Variants in LRMDA observed in about 807,000 individuals in gnomAD.
LRMDA encodes leucine rich melanocyte differentiation associated.
A neutral mutation model predicts 29.8 loss-of-function variants in LRMDA; 18 were observed. The ratio of observed to expected loss-of-function variants is 0.60; its 90% CI spans 0.42 to 0.90. The LOEUF is 0.90. LRMDA is among the 40% of genes least tolerant of loss of function. The pLI, the probability that LRMDA is intolerant of heterozygous loss-of-function variation, is 0.00. For synonymous variants in LRMDA, 125 were observed against 109.4 expected (o/e 1.14, Z -0.89); for missense variants, 273 against 273.9 (o/e 1.00, Z 0.02).
intron 6 of LRMDA, among the ~76,000 whole-genome samples, chr10:76,510,620 G>C (rs1391686287): frequency 2.6e-5 from 4 of 152,032 alleles, no homozygotes; most frequent in Non-Finnish European, 5.9e-5. Flanking sequence ...ATTTATCTGG[G>C]GATCACTTCT....
At chr10:75,434,788 C>G (rs1245143615) in intron 1 of LRMDA, among the ~76,000 whole-genome samples, 3 of 152,224 alleles carry the variant, frequency 2.0e-5, no homozygotes, top group Non-Finnish European at 4.4e-5. Flanking sequence ...TCTCCCACCC[C>G]TGGCTAGGGG....
intron 2 of LRMDA, among the ~76,000 whole-genome samples, chr10:75,963,784 C>A (rs542102452): frequency 6.6e-6 from 1 of 152,198 alleles, no homozygotes; most frequent in Non-Finnish European, 1.5e-5. Context: ...CAAAGTGGTG[C>A]ACTGATGCCA....
At chr10:76,444,397 G>A (rs1393449707) in intron 6 of LRMDA, among the ~76,000 whole-genome samples, 1 of 152,164 alleles carries the variant, frequency 6.6e-6, no homozygotes, top group Non-Finnish European at 1.5e-5. Context: ...ATGAGAGCTG[G>A]GCTCGAGCCC....
chr10:76,069,301 C>T (rs1216759863), intron 5 of LRMDA, among the ~76,000 whole-genome samples: 1 of 152,172 alleles, frequency 6.6e-6, no homozygotes, highest in Non-Finnish European at 1.5e-5. Flanking sequence ...ACAATTAGCC[C>T]TTCTGTTTGC....
chr10:75,467,773 C>T (rs373200077), intron 2 of LRMDA, among the ~76,000 whole-genome samples: 2 of 152,006 alleles, frequency 1.3e-5, no homozygotes, highest in African/African-American at 4.8e-5. Flanking sequence ...CCATCCTGGC[C>T]AACATGGTGA....
At chr10:75,984,018 G>A (rs1847219754) in intron 2 of LRMDA, among the ~76,000 whole-genome samples, 1 of 152,150 alleles carries the variant, frequency 6.6e-6, no homozygotes, top group Admixed American at 6.5e-5. Context: ...CCCATGCAGG[G>A]AGCCGGCCAG....
chr10:76,041,889 C>A (rs781743703), intron 3 of LRMDA, among the ~76,000 whole-genome samples: 12 of 152,224 alleles, frequency 7.9e-5, no homozygotes, highest in Non-Finnish European at 1.8e-4. Context: ...AGAGTTGAAA[C>A]TGTGCCAGGT....
chr10:75,962,426 G>A lies in LRMDA; in HGVS notation c.132-73582G>A, dbSNP rs562964570. On this transcript the variant is annotated intron_variant, in intron 2 of 6. Transcript: ENST00000611255. ...ATTACTGGATCACAAACTCTTTGGT[G>A]GGGGCTCAGCAGTTTTGTGTTTTAT... Among the ~76,000 whole-genome samples the A allele has an allele frequency of 2.0e-5, 3 of 152,286 alleles. No individual in the cohort carries two copies. In the South Asian group the frequency reaches 6.2e-4, roughly 32 times the overall value.
chr10:76,248,102 A>T (rs1852408624), intron 5 of LRMDA, among the ~76,000 whole-genome samples: 1 of 152,186 alleles, frequency 6.6e-6, no homozygotes, highest in Admixed American at 6.5e-5. Flanking sequence ...CCAATAGTCC[A>T]GGACAGTGGC....
At chr10:75,966,680 C>G (rs1186070046) in intron 2 of LRMDA, among the ~76,000 whole-genome samples, 7 of 152,162 alleles carry the variant, frequency 4.6e-5, no homozygotes, top group African/African-American at 1.7e-4. Context: ...GAGCAGTGGA[C>G]AAATACTTGT....
At chr10:75,755,401 G>A (rs1031145976) in intron 2 of LRMDA, among the ~76,000 whole-genome samples, 1 of 152,206 alleles carries the variant, frequency 6.6e-6, no homozygotes, top group African/African-American at 2.4e-5. Flanking sequence ...ATGATGATTA[G>A]GAACTCCATT....
chr10:75,586,344 CTTTT>C (rs748097971), intron 2 of LRMDA, among the ~76,000 whole-genome samples: 1 of 29,020 alleles, frequency 3.4e-5, no homozygotes, highest in Admixed American at 6.0e-4. Context: ...ACCAACACGT[CTTTT>C]TTTTTTTTTT....
intron 2 of LRMDA, among the ~76,000 whole-genome samples, chr10:75,700,203 T>C (rs1842287363): frequency 6.6e-6 from 1 of 151,928 alleles, no homozygotes; most frequent in South Asian, 2.1e-4. Context: ...GAGCTATGAT[T>C]CATTTATTAA....
intron 6 of LRMDA, among the ~76,000 whole-genome samples, chr10:76,506,926 G>T (rs1239744358): frequency 1.3e-5 from 2 of 152,034 alleles, no homozygotes; most frequent in Non-Finnish European, 2.9e-5. Context: ...AAATATAGGA[G>T]TACAGATACC....
intron 5 of LRMDA, among the ~76,000 whole-genome samples, chr10:76,127,674 AG>A (rs1432340503): frequency 1.3e-5 from 2 of 151,262 alleles, no homozygotes; most frequent in Non-Finnish European, 3.0e-5. Flanking sequence ...CAGTTGTAAA[AG>A]CTTGGGAGGA....
intron 6 of LRMDA, among the ~76,000 whole-genome samples, chr10:76,360,901 C>G (rs1841303027): frequency 6.6e-6 from 1 of 152,170 alleles, no homozygotes; most frequent in Non-Finnish European, 1.5e-5. Flanking sequence ...AAATAATTGC[C>G]TGAATAATGT....
intron 5 of LRMDA, among the ~76,000 whole-genome samples, chr10:76,077,991 CATTTTTTTTTT>C (rs1848986507): frequency 1.2e-5 from 1 of 83,432 alleles, no homozygotes; most frequent in Non-Finnish European, 2.3e-5. Context: ...GCAATATTAA[CATTTTTTTTTT>C]TTTTTTTTTT....
intron 2 of LRMDA, among the ~76,000 whole-genome samples, chr10:75,640,452 C>G (rs1251811298): frequency 6.6e-6 from 1 of 152,232 alleles, no homozygotes; most frequent in Non-Finnish European, 1.5e-5. Context: ...TTCACAAAGT[C>G]TGACTGTGTG....
At chr10:76,554,829 GTACTGGAGAGTT>G in intron 6 of LRMDA, among the ~76,000 whole-genome samples, 1 of 151,920 alleles carries the variant, frequency 6.6e-6, no homozygotes. Context: ...ATCCGTGAAT[GTACTGGAGAGTT>G]TACTGGAGAG....
Sources: gnomAD v4.1 joint callset for allele counts (sites outside exome capture counted in the v4.1 genomes callset) on GRCh38, gnomAD v4.1.1 for gene constraint, MANE v1.5 for transcripts, NCBI Gene and HGNC (gene_info 2026-07-23, HGNC 2026-07-21) for gene names.